The following CLIP1 variants were observed in gnomAD, a reference collection of about 807,000 sequenced individuals.
CLIP1 encodes the protein CAP-Gly domain containing linker protein 1.
In CLIP1, 66 loss-of-function variants were observed where a neutral mutation model predicts 161.6. The ratio of observed to expected loss-of-function variants is 0.41; its 90% CI spans 0.33 to 0.50. The LOEUF is 0.50. Ranked by LOEUF, CLIP1 falls within the 20% of genes least tolerant of loss-of-function variation. The pLI, the probability that CLIP1 is intolerant of heterozygous loss-of-function variation, is 0.27. For synonymous variants in CLIP1, 598 were observed against 626.2 expected (o/e 0.96, Z 0.67); for missense variants, 1,376 against 1,702.0 (o/e 0.81, Z 3.37).
intron 18 of CLIP1, among the ~76,000 whole-genome samples, chr12:122,318,489 T>C (rs1276672427): frequency 6.6e-6 from 1 of 152,050 alleles, no homozygotes; most frequent in Non-Finnish European, 1.5e-5. Flanking sequence ...GCCGAGATCA[T>C]GCCATTGCAC....
At chr12:122,390,842 CA>C (rs1955627670) in intron 1 of CLIP1, among the ~76,000 whole-genome samples, 1 of 151,792 alleles carries the variant, frequency 6.6e-6, no homozygotes, top group African/African-American at 2.4e-5. Flanking sequence ...AAGTCACTTC[CA>C]AAGAGTCAAA....
intron 5 of CLIP1, chr12:122,360,730 T>TTTTAAGAA (rs1400227298): frequency 2.5e-5 from 12 of 480,306 alleles, no homozygotes; most frequent in Admixed American, 1.1e-4. Context: ...ATTTTTAAGC[T>TTTTAAGAA]TTTAAGAATC....
chr12:122,313,522 T>C (rs2136549671), intron 19 of CLIP1, among the ~76,000 whole-genome samples: 1 of 151,910 alleles, frequency 6.6e-6, no homozygotes, highest in East Asian at 2.0e-4. Flanking sequence ...AGGTTGGTAG[T>C]TCGAGACCAG....
intron 2 of CLIP1, among the ~76,000 whole-genome samples, chr12:122,378,275 C>CG (rs1954841316): frequency 1.3e-5 from 2 of 152,038 alleles, no homozygotes; most frequent in African/African-American, 4.8e-5. Flanking sequence ...TTAGTAGAGA[C>CG]GGGGTCTCAC....
rs967449282 is a variant in CLIP1, at chr12:122,385,370, G to A, written c.-106-4812C>T. ...GCAACGGATGAAGGGCTGCTGCAGCGACGACACTGGATGCTCAGATGTGCA... is the reference window on the plus strand; with the variant it reads ...GCAACGGATGAAGGGCTGCTGCAGCAACGACACTGGATGCTCAGATGTGCA... On this transcript the variant is annotated intron_variant, in intron 1 of 25. Coordinates refer to ENST00000620786, the MANE Select transcript of CLIP1 (RefSeq NM_001247997.2). 1.3e-5 allele frequency among the ~76,000 whole-genome samples: 2 copies of A among 152,190 alleles called. 1 individual carries two copies. The highest frequency in any genetic ancestry group is 4.1e-4 in the South Asian group (2 of 4,830).
intron 20 of CLIP1, among the ~76,000 whole-genome samples, chr12:122,297,386 C>T (rs1950515460): frequency 6.6e-6 from 1 of 152,130 alleles, no homozygotes; most frequent in Non-Finnish European, 1.5e-5. Context: ...TTGTGATCTC[C>T]CCTATTTTTG....
chr12:122,352,838 CTTTAAAAAAA>C, intron 7 of CLIP1, 52 bp from the exon 8 acceptor site: 1 of 1,470,022 alleles, frequency 6.8e-7, no homozygotes, highest in Non-Finnish European at 9.5e-7. Flanking sequence ...AACACACAGC[CTTTAAAAAAA>C]CAAAACAAAC....
At position 122,327,964 on chromosome 12, in the gene CLIP1, G is replaced by A; in HGVS notation, c.3232C>T (p.Gln1078Ter). The A allele has an allele frequency of 1.2e-6, 2 of 1,614,096 alleles. No individual in the cohort carries two copies. The highest frequency in any genetic ancestry group is 1.7e-6 in the Non-Finnish European group (2 of 1,180,032). The change falls in exon 17 of 26, where the codon CAA (glutamine) becomes TAA (stop). Residue 1078 changes from glutamine (Q) to a stop codon, truncating the protein, a stop_gained. Coordinates refer to ENST00000620786, the MANE Select transcript of CLIP1 (RefSeq NM_001247997.2). LOFTEE classifies it high-confidence loss of function. The stretch of plus-strand genomic sequence containing the variant: ...TCACGTACTTTGGCTTTGTCGGCTT[G>A]CTTTCTCAGCTCCTCCAGCTCCTGC... ...LLQELEELRK[Q>*]ADKAKAAQTA...
chr12:122,363,532 T>C (rs1285303339), intron 4 of CLIP1, among the ~76,000 whole-genome samples: 2 of 151,058 alleles, frequency 1.3e-5, no homozygotes, highest in South Asian at 2.1e-4. Context: ...ATCCTTACGA[T>C]GGAAGAGGTC....
At chr12:122,357,692 G>T (rs1004178612) in intron 5 of CLIP1, among the ~76,000 whole-genome samples, 9 of 148,996 alleles carry the variant, frequency 6.0e-5, no homozygotes, top group African/African-American at 2.2e-4. Context: ...GAGATGGGGG[G>T]GTCAGTCCCC....
At chr12:122,398,355 G>A (rs1436835040) in intron 1 of CLIP1, among the ~76,000 whole-genome samples, 1 of 151,002 alleles carries the variant, frequency 6.6e-6, no homozygotes, top group African/African-American at 2.4e-5. Flanking sequence ...AACCCTGGAG[G>A]TGGAGGTTGC....
chr12:122,351,045 G>A, intron 9 of CLIP1, 66 bp downstream of exon 9: 1 of 1,197,070 alleles, frequency 8.4e-7, no homozygotes, highest in Non-Finnish European at 1.2e-6. Flanking sequence ...ATATCAATAA[G>A]CATTTTAATC....
chr12:122,392,054 T>G (rs1412679794), intron 1 of CLIP1, among the ~76,000 whole-genome samples: 2 of 152,160 alleles, frequency 1.3e-5, no homozygotes, highest in Non-Finnish European at 2.9e-5. Context: ...GAGGATTGCT[T>G]AAGTCCAGGA....
intron 24 of CLIP1, chr12:122,275,795 G>A (rs924901941): frequency 9.2e-5 from 14 of 152,312 alleles, no homozygotes; most frequent in Non-Finnish European, 1.9e-4. Flanking sequence ...TCAACTGACT[G>A]ATAATGGTGG....
Position 122,416,545 on chromosome 12 carries a change from G to A in CLIP1, c.-107+5976C>T, listed in dbSNP as rs79428490. Reference sequence around the variant, plus strand: ...AGGTTGAGATGAGAGGATCACTTAAGCTCAGGAATTTGAGTCTAGCTTGGG... The same window carrying A: ...AGGTTGAGATGAGAGGATCACTTAAACTCAGGAATTTGAGTCTAGCTTGGG... On this transcript the variant is annotated intron_variant, in intron 1 of 25. Coordinates refer to ENST00000620786, the MANE Select transcript of CLIP1 (RefSeq NM_001247997.2). Among the ~76,000 whole-genome samples, 303 of 152,186 alleles carry A rather than the reference G, an allele frequency of 2.0e-3. 1 individual carries two copies. Among genetic ancestry groups the A allele is most frequent in the African/African-American group, 7.1e-3 (294 of 41,530 alleles).
intron 1 of CLIP1, among the ~76,000 whole-genome samples, chr12:122,390,197 A>ATATATATAAT (rs1555280492): frequency 2.2e-5 from 2 of 90,612 alleles, no homozygotes; most frequent in East Asian, 4.2e-4. Flanking sequence ...ATATATATAT[A>ATATATATAAT]ATATATATAT....
chr12:122,418,151 A>C (rs1195348790), intron 1 of CLIP1, among the ~76,000 whole-genome samples: 1 of 152,102 alleles, frequency 6.6e-6, no homozygotes, highest in Admixed American at 6.6e-5. Flanking sequence ...GGAAGTTCCA[A>C]GAGAATAACA....
intron 15 of CLIP1, among the ~76,000 whole-genome samples, chr12:122,330,597 G>GT (rs71082966): frequency 0.054 from 5,474 of 101,180 alleles, 943 homozygotes; most frequent in African/African-American, 0.23. Flanking sequence ...GTATAATGCA[G>GT]TTTTTTTTTT....
rs565050137 is a variant in CLIP1 at position 122,409,731 on chromosome 12, C to T, written c.-107+12790G>A. 6.6e-5 allele frequency among the ~76,000 whole-genome samples: 10 copies of T among 151,882 alleles called. No individual in the cohort carries two copies. The East Asian group carries it at 1.8e-3, about 27-fold the overall frequency. On this transcript the variant is annotated intron_variant, in intron 1 of 25. Transcript: ENST00000620786. Reference sequence around the variant, plus strand: ...ATTTTTAGTAGAGACAGGCTTTCACCATGTTGGCCAGGCTGGTCTCGAACT... The same window carrying T: ...ATTTTTAGTAGAGACAGGCTTTCACTATGTTGGCCAGGCTGGTCTCGAACT...
Sources: gnomAD v4.1 joint callset for allele counts (sites outside exome capture counted in the v4.1 genomes callset) on GRCh38, gnomAD v4.1.1 for gene constraint, MANE v1.5 for transcripts, NCBI Gene and HGNC (gene_info 2026-07-23, HGNC 2026-07-21) for gene names.